Variants in SGF29 observed in about 807,000 individuals in gnomAD.
SGF29 encodes the protein SAGA-associated factor 29.
A neutral mutation model predicts 38.1 loss-of-function variants in SGF29; 15 were observed. That is an observed-to-expected ratio of 0.39 (90% CI 0.26 to 0.61). SGF29 has a LOEUF of 0.61. SGF29 is among the 20% of genes least tolerant of loss of function. The pLI, the probability that SGF29 is intolerant of heterozygous loss-of-function variation, is 0.49. For synonymous variants in SGF29, 151 were observed against 160.8 expected (o/e 0.94, Z 0.46); for missense variants, 184 against 394.6 (o/e 0.47, Z 4.52).
At chr16:28,558,921 A>G (rs558069338) in intron 1 of SGF29, among the ~76,000 whole-genome samples, 7 of 152,288 alleles carry the variant, frequency 4.6e-5, no homozygotes, top group African/African-American at 1.7e-4. Flanking sequence ...ACTGCTAATG[A>G]GTATAAGGTT....
At chr16:28,555,539 C>T (rs1366848089) in intron 1 of SGF29, among the ~76,000 whole-genome samples, 1 of 152,142 alleles carries the variant, frequency 6.6e-6, no homozygotes, top group African/African-American at 2.4e-5. Flanking sequence ...TTAAAACCTG[C>T]ATTGTTTGAG....
Position 28,582,075 on chromosome 16 carries a change from G to T in SGF29, c.75+931G>T, listed in dbSNP as rs531917868. Among the ~76,000 whole-genome samples, 35 of 152,166 alleles carry T rather than the reference G, an allele frequency of 2.3e-4. 1 individual carries two copies. The highest frequency in any genetic ancestry group is 4.7e-4 in the Non-Finnish European group (32 of 68,038). ...AGGGTTTATAGCTACACAAGGATCA[G>T]TTTGCTGGCAGTTGTGCACCGCACA... On this transcript the variant is annotated intron_variant, in intron 2 of 9. Transcript: ENST00000317058.
chr16:28,590,053 G>A lies in SGF29; in HGVS notation c.290-43G>A, dbSNP rs893798402. On this transcript the variant is annotated intron_variant, in intron 5 of 9. Coordinates refer to ENST00000317058, the MANE Select transcript of SGF29 (RefSeq NM_138414.3). This position sits in a 1 kb window ranked among gnomAD's most constrained non-coding sequence, Gnocchi z 8.2. The stretch of plus-strand genomic sequence containing the variant: ...TGCAGCATGCTCGGGGGTCAAGGCC[G>A]GCACCTATCCCTGGGGCCTCAGGCC... The A allele has an allele frequency of 1.1e-5, 18 of 1,589,276 alleles. No individual in the cohort carries two copies. The highest frequency in any genetic ancestry group is 4.7e-5 in the South Asian group (4 of 85,900).
At chr16:28,591,205 G>A (rs2046988524) in intron 9 of SGF29, among the ~76,000 whole-genome samples, 1 of 152,160 alleles carries the variant, frequency 6.6e-6, no homozygotes, top group Non-Finnish European at 1.5e-5. Context: ...TGAGCCCTGG[G>A]CTCCTACCGC....
intron 1 of SGF29, among the ~76,000 whole-genome samples, chr16:28,580,149 C>T (rs1473760052): frequency 3.3e-5 from 5 of 152,068 alleles, no homozygotes. Context: ...TTTTAAGGCA[C>T]TTCATATTAA....
At chr16:28,582,560 TAC>T (rs1159736826) in intron 2 of SGF29, among the ~76,000 whole-genome samples, 2 of 152,194 alleles carry the variant, frequency 1.3e-5, no homozygotes. Context: ...AGAGCAGGTA[TAC>T]ATACAGGAAC....
At chr16:28,584,806 A>C in intron 2 of SGF29, 107 bp from the exon 3 acceptor site, 4 of 678,862 alleles carry the variant, frequency 5.9e-6, no homozygotes, top group Non-Finnish European at 9.8e-6. Flanking sequence ...AAAAAAAAAA[A>C]AGAAAATGAG....
At chr16:28,561,924 C>G (rs1299307066) in intron 1 of SGF29, among the ~76,000 whole-genome samples, 1 of 152,180 alleles carries the variant, frequency 6.6e-6, no homozygotes, top group East Asian at 1.9e-4. Context: ...ACCTTTGCTT[C>G]TACTTAGAAC....
In SGF29 at chr16:28,564,764, T is replaced by TATAC. The variant is rs1555474937; in HGVS notation, c.-16+10670_-16+10671insCATA. On this transcript the variant is annotated intron_variant, in intron 1 of 9. Coordinates refer to ENST00000317058, the MANE Select transcript of SGF29 (RefSeq NM_138414.3). Reference sequence around the variant, plus strand: ...ATATATGTATATATATGTATATATGTATATATATGTATATATATATATACA... The same window carrying TATAC: ...ATATATGTATATATATGTATATATGTATACATATATATGTATATATATATATACA... Among the ~76,000 whole-genome samples, 215 of 62,824 alleles carry TATAC rather than the reference T, an allele frequency of 3.4e-3. 5 individuals carry two copies. Among genetic ancestry groups the TATAC allele is most frequent in the African/African-American group, 0.014 (206 of 14,830 alleles). 41.2% of individuals were successfully genotyped at this position (62,824 alleles called of 152,430 possible). A position where few individuals can be genotyped will look rare whatever the true frequency, so the allele number is the denominator to read the frequency against.
chr16:28,569,488 T>A (rs2046852303), intron 1 of SGF29, among the ~76,000 whole-genome samples: 1 of 151,588 alleles, frequency 6.6e-6, no homozygotes, highest in Non-Finnish European at 1.5e-5. Flanking sequence ...GGTGCAACCC[T>A]GTCTCTACAA....
intron 1 of SGF29, among the ~76,000 whole-genome samples, chr16:28,566,264 ACT>A (rs1467004842): frequency 6.7e-6 from 1 of 149,872 alleles, no homozygotes; most frequent in Non-Finnish European, 1.5e-5. Flanking sequence ...ACAGATCAAG[ACT>A]CTGTCTCAAA....
intron 1 of SGF29, 71 bp downstream of exon 1, chr16:28,554,168 G>A (rs62034351): frequency 0.26 from 40,168 of 152,010 alleles, 7,039 homozygotes; most frequent in Non-Finnish European, 0.37. Context: ...TCCTCCCTCC[G>A]CGCCGCGGCT....
chr16:28,563,504 G>A (rs2151642534), intron 1 of SGF29, among the ~76,000 whole-genome samples: 1 of 152,216 alleles, frequency 6.6e-6, no homozygotes, highest in African/African-American at 2.4e-5. Flanking sequence ...CTATCTGTGT[G>A]TCTTTGTCAG....
chr16:28,589,473 G>A, intron 5 of SGF29: 1 of 342,866 alleles, frequency 2.9e-6, no homozygotes, highest in East Asian at 5.7e-5. Flanking sequence ...CTGTTGCCCT[G>A]GCTGGTTTCT....
chr16:28,567,852 C>T (rs895363240), intron 1 of SGF29, among the ~76,000 whole-genome samples: 10 of 152,144 alleles, frequency 6.6e-5, no homozygotes, highest in Non-Finnish European at 1.0e-4. Context: ...GCCTGTTGAC[C>T]TAAAGGAACA....
At chr16:28,581,977 G>C (rs1278581822) in intron 2 of SGF29, among the ~76,000 whole-genome samples, 1 of 151,962 alleles carries the variant, frequency 6.6e-6, no homozygotes, top group Non-Finnish European at 1.5e-5. Context: ...AGATACAAGG[G>C]AGATGCGTAT....
chr16:28,566,515 G>A (rs926336451), intron 1 of SGF29, among the ~76,000 whole-genome samples: 7 of 151,980 alleles, frequency 4.6e-5, no homozygotes, highest in African/African-American at 1.2e-4. Context: ...GGGGCTGGGC[G>A]TGGCGGCTCA....
At chr16:28,564,760 T>C (rs1337387395) in intron 1 of SGF29, among the ~76,000 whole-genome samples, 2 of 65,618 alleles carry the variant, frequency 3.0e-5, no homozygotes, top group Non-Finnish European at 5.9e-5. Context: ...TATATGTATA[T>C]ATGTATATAT....
chr16:28,558,829 A>G (rs1325573988), intron 1 of SGF29, among the ~76,000 whole-genome samples: 1 of 152,214 alleles, frequency 6.6e-6, no homozygotes, highest in Non-Finnish European at 1.5e-5. Context: ...TATTTATATG[A>G]AATGTCTAGA....
Sources: allele counts gnomAD v4.1 joint callset (sites outside exome capture counted in the v4.1 genomes callset), GRCh38; gene constraint gnomAD v4.1.1; non-coding constraint Gnocchi (gnomAD v3.1); transcripts MANE v1.5; gene names NCBI Gene and HGNC (gene_info 2026-07-23, HGNC 2026-07-21).